The following UBR3 variants were observed in gnomAD, a reference collection of about 807,000 sequenced individuals.
The protein encoded by UBR3 is E3 ubiquitin-protein ligase UBR3.
In UBR3, 85 loss-of-function variants were observed where a neutral mutation model predicts 243.2. The ratio of observed to expected loss-of-function variants is 0.35; its 90% CI spans 0.29 to 0.42. The LOEUF (loss-of-function observed/expected upper bound fraction) is 0.42. Among genes scored for constraint, UBR3 ranks in the 10% least tolerant of loss-of-function variants. The pLI is 1.00. For missense variants in UBR3, 1,686 were observed against 2,300.8 expected (o/e 0.73, Z 5.47); for synonymous variants, 748 against 799.8 (o/e 0.94, Z 1.09).
At position 169,827,731 on chromosome 2, in the gene UBR3, C is replaced by G. The variant is rs2081789187; in HGVS notation, c.224C>G (p.Ala75Gly). Residue 75 changes from alanine to glycine, a missense_variant, in exon 1 of 39, where the codon GCG becomes GGG. By Grantham distance (60) the Ala-to-Gly change is moderately conservative. Transcript: ENST00000272793. ...GCGGCTGCCGGCGGCGAGGACGCGG[C>G]GGCGGCCGGAGGCGGGGGCGGTCCG... ...LAAAAGGEDA[A>G]AAGGGGGPGA... 8.1e-7 allele frequency: 1 copy of G among 1,235,536 alleles called. No homozygotes were observed. Among genetic ancestry groups the G allele is most frequent in the East Asian group, 3.2e-5 (1 of 31,644 alleles). The allele number at this position is 1,235,536 out of a possible 1,614,324, so 76.5% of individuals were successfully genotyped here. A position where few individuals can be genotyped will look rare whatever the true frequency, so the allele number is the denominator to read the frequency against.
intron 5 of UBR3, among the ~76,000 whole-genome samples, chr2:169,881,883 ATG>A (rs1344917519): frequency 7.6e-6 from 1 of 132,146 alleles, no homozygotes; most frequent in East Asian, 2.1e-4. Flanking sequence ...ATATAGGTAT[ATG>A]TGTACATGTA....
chr2:169,930,181 C>T lies in UBR3; in HGVS notation c.2566+1313C>T, dbSNP rs551007371. 2.8e-4 allele frequency among the ~76,000 whole-genome samples: 42 copies of T among 152,242 alleles called. No homozygotes were observed. In the East Asian group the frequency reaches 7.7e-3, roughly 28 times the overall value. On this transcript the variant is annotated intron_variant, in intron 18 of 38. Coordinates refer to ENST00000272793, the MANE Select transcript of UBR3 (RefSeq NM_172070.4). Reference sequence around the variant, plus strand: ...ATTAAGAATGCAGGCCCCTGTGTCTCACCTCCTATCTGCTATCATCAGAAT... The same window carrying T: ...ATTAAGAATGCAGGCCCCTGTGTCTTACCTCCTATCTGCTATCATCAGAAT...
chr2:169,842,242 C>G (rs905044865), intron 1 of UBR3, among the ~76,000 whole-genome samples: 10 of 151,982 alleles, frequency 6.6e-5, no homozygotes, highest in African/African-American at 1.7e-4. Context: ...TAGCTGCTCT[C>G]GTGGGGCCTT....
At chr2:169,829,649 T>C (rs1056249326) in intron 1 of UBR3, among the ~76,000 whole-genome samples, 2 of 152,176 alleles carry the variant, frequency 1.3e-5, no homozygotes, top group African/African-American at 4.8e-5. Flanking sequence ...AGTCCCGAAC[T>C]CCCGACCTCA....
intron 24 of UBR3, among the ~76,000 whole-genome samples, chr2:169,960,289 A>G (rs1338435605): frequency 6.6e-6 from 1 of 151,882 alleles, no homozygotes; most frequent in Non-Finnish European, 1.5e-5. Context: ...CTGTATGCAT[A>G]AAGTATGTAT....
chr2:170,033,885 C>T (rs948267645), intron 31 of UBR3, among the ~76,000 whole-genome samples: 12 of 151,666 alleles, frequency 7.9e-5, no homozygotes, highest in Non-Finnish European at 1.5e-4. Context: ...CCTATTAACT[C>T]TTCCACCCAT....
At chr2:170,023,861 C>A (rs2090457223) in intron 30 of UBR3, among the ~76,000 whole-genome samples, 1 of 152,122 alleles carries the variant, frequency 6.6e-6, no homozygotes, top group African/African-American at 2.4e-5. Context: ...CAGGCGTAAG[C>A]CATTGTGCCC....
Position 169,949,801 on chromosome 2 carries a change from T to C in UBR3, c.3281T>C (p.Ile1094Thr), listed in dbSNP as rs1233907387. The change falls in exon 23 of 39, where the codon ATT (isoleucine) becomes ACT (threonine). Residue 1094 changes from isoleucine to threonine, a missense_variant. Transcript: ENST00000272793. ...EIKESILSLL[I>T]KLHHKLSGKQ... Reference sequence around the variant, plus strand: ...AAAGAAAGCATATTGTCTTTGCTAATTAAACTTCACCACAAACTCTCAGGA... The same window carrying C: ...AAAGAAAGCATATTGTCTTTGCTAACTAAACTTCACCACAAACTCTCAGGA... 5 of 1,552,698 alleles carry C rather than the reference T, an allele frequency of 3.2e-6. No individual in the cohort carries two copies. Among genetic ancestry groups the C allele is most frequent in the Admixed American group, 2.0e-5 (1 of 51,044 alleles).
intron 26 of UBR3, 147 bp from the exon 27 acceptor site, chr2:170,001,157 C>T (rs1433610844): frequency 1.7e-6 from 1 of 592,264 alleles, no homozygotes; most frequent in Non-Finnish European, 2.9e-6. Context: ...ACTATCTAGT[C>T]AGGCATTAAT....
At chr2:169,970,242 T>G (rs1167698775) in intron 24 of UBR3, among the ~76,000 whole-genome samples, 5 of 149,938 alleles carry the variant, frequency 3.3e-5, no homozygotes, top group Non-Finnish European at 7.4e-5. Flanking sequence ...TAGGTTTTTT[T>G]TTTTTTTTTT....
At chr2:169,967,265 G>GC (rs1400988737) in intron 24 of UBR3, among the ~76,000 whole-genome samples, 12,909 of 35,940 alleles carry the variant, frequency 0.36, 760 homozygotes, top group Middle Eastern at 0.39. Context: ...TGCGCCCCCC[G>GC]CCCCCCCCCA....
Position 169,967,533 on chromosome 2 carries a change from A to G in UBR3, c.3634+9007A>G, listed in dbSNP as rs951713382. Among the ~76,000 whole-genome samples the G allele has an allele frequency of 1.7e-4, 26 of 152,134 alleles. 1 individual carries two copies. Among genetic ancestry groups the G allele is most frequent in the Non-Finnish European group, 2.9e-5 (2 of 68,024 alleles). On this transcript the variant is annotated intron_variant, in intron 24 of 38. Coordinates refer to ENST00000272793, the MANE Select transcript of UBR3 (RefSeq NM_172070.4). ...CAGTCAGTCCCACCTAAATCGTAGG[A>G]ATTGAAAAGGGTGGTGAAGGAGTGA...
intron 5 of UBR3, among the ~76,000 whole-genome samples, chr2:169,881,985 G>A (rs1404003553): frequency 9.0e-6 from 1 of 110,948 alleles, no homozygotes; most frequent in Non-Finnish European, 1.8e-5. Flanking sequence ...TATTATATAT[G>A]TATATGTATA....
intron 1 of UBR3, among the ~76,000 whole-genome samples, chr2:169,847,583 A>G (rs1168085383): frequency 6.6e-6 from 1 of 152,136 alleles, no homozygotes; most frequent in South Asian, 2.1e-4. Context: ...ACAATTTTAA[A>G]GAGATTTAAA....
At chr2:169,896,937 C>G (rs544597254) in intron 8 of UBR3, among the ~76,000 whole-genome samples, 7 of 152,002 alleles carry the variant, frequency 4.6e-5, no homozygotes, top group African/African-American at 1.7e-4. Flanking sequence ...ATGTTTGTTA[C>G]GGACATCTTT....
At chr2:169,899,333 A>G (rs1346482802) in intron 8 of UBR3, among the ~76,000 whole-genome samples, 1 of 152,160 alleles carries the variant, frequency 6.6e-6, no homozygotes, top group Admixed American at 6.5e-5. Flanking sequence ...TTTTAGTTTT[A>G]CTAACTTCAT....
intron 11 of UBR3, among the ~76,000 whole-genome samples, chr2:169,919,810 A>G (rs2085618484): frequency 6.6e-6 from 1 of 152,196 alleles, no homozygotes; most frequent in African/African-American, 2.4e-5. Flanking sequence ...TCAGGAAACA[A>G]CAGGTGCTGG....
chr2:169,960,016 C>T (rs1364913916), intron 24 of UBR3, among the ~76,000 whole-genome samples: 6 of 151,776 alleles, frequency 4.0e-5, no homozygotes, highest in South Asian at 4.2e-4. Flanking sequence ...TTTGGGAGGC[C>T]GAGGTGGGTG....
Position 169,877,526 on chromosome 2 carries a change from C to A in UBR3, c.877C>A (p.His293Asn). Reference protein sequence around the residue: ...LGENACVKKSHEKYLIALKSS... With the variant: ...LGENACVKKSNEKYLIALKSS... ...AGAAAATGCTTGTGTAAAGAAAAGT[C>A]ATGAAAAGTACCTTATAGCTTTAAA... is the stretch of plus-strand genomic sequence containing the variant. The change falls in exon 4 of 39, where the codon CAT (histidine) becomes AAT (asparagine). Residue 293 changes from histidine (H) to asparagine (N), a missense_variant. This residue lies in a region of UBR3 where 200 missense variants were observed against 231.6 expected (regional missense o/e 0.86). Transcript: ENST00000272793. The A allele has an allele frequency of 6.5e-7, 1 of 1,537,446 alleles. No homozygotes were observed. Among genetic ancestry groups the A allele is most frequent in the South Asian group, 1.2e-5 (1 of 80,512 alleles).
Sources: gnomAD v4.1 joint callset for allele counts (sites outside exome capture counted in the v4.1 genomes callset) on GRCh38, gnomAD v4.1.1 for gene constraint, gnomAD v4.1.1 regional missense constraint, MANE v1.5 for transcripts, NCBI Gene and HGNC (gene_info 2026-07-23, HGNC 2026-07-21) for gene names.